Variants in SIGLEC1 observed in about 807,000 individuals in gnomAD.
SIGLEC1 encodes the protein sialic acid binding Ig like lectin 1, also known as sialoadhesin.
SIGLEC1 carries 132 observed loss-of-function variants against 148.0 expected under a neutral mutation model. The ratio of observed to expected loss-of-function variants is 0.89; its 90% CI spans 0.77 to 1.03. The LOEUF is 1.03. Ranked by LOEUF, SIGLEC1 falls within the 50% of genes least tolerant of loss-of-function variation. SIGLEC1 has a pLI of 0.00. For synonymous variants in SIGLEC1, 945 were observed against 969.0 expected (o/e 0.98, Z 0.46); for missense variants, 2,253 against 2,271.4 (o/e 0.99, Z 0.16).
chr20:3,707,103 A>G lies in SIGLEC1; in HGVS notation c.26T>C (p.Leu9Pro). ...ACCTGCTGGGAAGAATGAGGCCAGGAGGAGAAGCTTGGGCAAGAAGCCCAT... is the reference window on the plus strand; with the variant it reads ...ACCTGCTGGGAAGAATGAGGCCAGGGGGAGAAGCTTGGGCAAGAAGCCCAT... MGFLPKLL[L>P]LASFFPAGQA... The change falls in exon 2 of 22, where the codon CTC (leucine) becomes CCC (proline). Residue 9 changes from leucine to proline, a missense_variant. Leu to Pro is a moderately conservative substitution (Grantham distance 98). Coordinates refer to ENST00000344754, the MANE Select transcript of SIGLEC1 (RefSeq NM_023068.4). 1 of 1,614,126 alleles carries G rather than the reference A, an allele frequency of 6.2e-7. No homozygotes were observed.
chr20:3,691,668 A>T, intron 17 of SIGLEC1, 68 bp from the exon 18 acceptor site: 2 of 1,555,516 alleles, frequency 1.3e-6, no homozygotes, highest in South Asian at 2.4e-5. Flanking sequence ...TCTGGGTGGG[A>T]CCTCTGAGGG....
chr20:3,690,482 T>C (rs1482306411), intron 18 of SIGLEC1, among the ~76,000 whole-genome samples: 2 of 152,256 alleles, frequency 1.3e-5, no homozygotes, highest in African/African-American at 4.8e-5. Context: ...TCTGCTCTAC[T>C]TGTTGGAACA....
At chr20:3,689,904 G>T (rs1252313821) in intron 19 of SIGLEC1, 58 bp downstream of exon 19, 1 of 1,448,268 alleles carries the variant, frequency 6.9e-7, no homozygotes, top group South Asian at 1.2e-5. Flanking sequence ...AAGCCTTTGG[G>T]CCTAAGAGCT....
chr20:3,712,466 G>C lies in SIGLEC1; in HGVS notation c.-110+4C>G, dbSNP rs1205231060. On this transcript the variant is annotated splice_donor_region_variant and intron_variant, in intron 1 of 21. Transcript: ENST00000344754. ...CTGGGCCCAGGGACCAGGGACAGGG[G>C]TACCTGCTCCACAGAAGGAAGTGGC... is the stretch of plus-strand genomic sequence containing the variant. Among the ~76,000 whole-genome samples, 2 of 151,980 alleles carry C rather than the reference G, an allele frequency of 1.3e-5. No individual in the cohort carries two copies. Among genetic ancestry groups the C allele is most frequent in the Non-Finnish European group, 2.9e-5 (2 of 67,994 alleles).
intron 1 of SIGLEC1, among the ~76,000 whole-genome samples, chr20:3,707,746 C>T (rs2087906490): frequency 6.6e-6 from 1 of 152,240 alleles, no homozygotes; most frequent in Non-Finnish European, 1.5e-5. Context: ...GTGAAAAGTC[C>T]TCATTTCCTG....
At chr20:3,712,416 C>A (rs1226708867) in intron 1 of SIGLEC1, among the ~76,000 whole-genome samples, 54 bp downstream of exon 1, 3 of 151,984 alleles carry the variant, frequency 2.0e-5, no homozygotes, top group African/African-American at 7.3e-5. Flanking sequence ...CAGCCCAGCC[C>A]CGCTCCTAAT....
intron 6 of SIGLEC1, among the ~76,000 whole-genome samples, chr20:3,702,240 G>C (rs1436766703): frequency 6.6e-6 from 1 of 152,170 alleles, no homozygotes; most frequent in Non-Finnish European, 1.5e-5. Flanking sequence ...GGCTACAAAA[G>C]ACAGTATTAG....
chr20:3,710,833 T>A lies in SIGLEC1; in HGVS notation c.-110+1637A>T, dbSNP rs2087923908. 6.6e-6 allele frequency among the ~76,000 whole-genome samples: 1 copy of A among 152,242 alleles called. No individual in the cohort carries two copies. The highest frequency in any genetic ancestry group is 1.5e-5 in the Non-Finnish European group (1 of 68,042). On this transcript the variant is annotated intron_variant, in intron 1 of 21. Transcript: ENST00000344754. This position sits in a 1 kb window ranked among gnomAD's most constrained non-coding sequence, Gnocchi z 4.6. ...CACATAATGTAGAGGCCACCTATGCTTAGCCCGGCCCTAACCCCAAAGGGG... is the reference window on the plus strand; with the variant it reads ...CACATAATGTAGAGGCCACCTATGCATAGCCCGGCCCTAACCCCAAAGGGG...
At chr20:3,711,448 G>A (rs1420678171) in intron 1 of SIGLEC1, among the ~76,000 whole-genome samples, 1 of 152,178 alleles carries the variant, frequency 6.6e-6, no homozygotes, top group African/African-American at 2.4e-5. Context: ...GGGGAAGAAA[G>A]GGCAGAGGCA....
rs555295529 is a variant in SIGLEC1 at position 3,694,431 on chromosome 20, G to A, written c.3046C>T (p.Arg1016Trp). ...RVDSDPPAQL[R>W]LLHGDRLVAS... ...ACAAGGCGATCCCCGTGGAGCAGCC[G>A]CAGCTGGGCCGGAGGGTCACTGTCC... Residue 1016 changes from arginine to tryptophan, a missense_variant, in exon 13 of 22, where the codon CGG (arginine) becomes TGG (tryptophan). Arg to Trp is a moderately radical substitution (Grantham distance 101). Coordinates refer to ENST00000344754, the MANE Select transcript of SIGLEC1 (RefSeq NM_023068.4). 9 of 1,611,514 alleles carry A rather than the reference G, an allele frequency of 5.6e-6. No homozygotes were observed. The highest frequency in any genetic ancestry group is 2.2e-5 in the East Asian group (1 of 44,806).
chr20:3,696,141 A>AACAC (rs71195853), intron 11 of SIGLEC1, among the ~76,000 whole-genome samples: 10,120 of 145,136 alleles, frequency 0.07, 403 homozygotes, highest in African/African-American at 0.094. Flanking sequence ...CACACACACA[A>AACAC]ACACACACAC....
intron 1 of SIGLEC1, among the ~76,000 whole-genome samples, chr20:3,711,438 G>T (rs2087928200): frequency 6.6e-6 from 1 of 152,134 alleles, no homozygotes; most frequent in Non-Finnish European, 1.5e-5. Context: ...AAGTTTAGCT[G>T]GGGAAGAAAG....
intron 16 of SIGLEC1, 31 bp downstream of exon 16, chr20:3,692,490 G>C (rs1197076851): frequency 6.4e-7 from 1 of 1,556,522 alleles, no homozygotes; most frequent in East Asian, 2.3e-5. Flanking sequence ...CCCTCCTCCT[G>C]GGCAGCCCTG....
At chr20:3,702,272 A>G (rs923032957) in intron 6 of SIGLEC1, among the ~76,000 whole-genome samples, 5 of 152,230 alleles carry the variant, frequency 3.3e-5, no homozygotes, top group Non-Finnish European at 4.4e-5. Flanking sequence ...AAATGTGAAT[A>G]TAGATTATAG....
rs1354279113 is a variant in SIGLEC1 at position 3,694,692 on chromosome 20, A to C, written c.2915T>G (p.Leu972Arg). Residue 972 changes from leucine (L) to arginine (R), a missense_variant, in exon 12 of 22, where the codon CTA becomes CGA. Leu to Arg is a moderately radical substitution (Grantham distance 102). Transcript: ENST00000344754. ...CACGTGGAGGCTGATGGGTGCAGCT[A>C]GGCTCGTGGTGGCTGAGCCTGGGGC... Reference protein sequence around the residue: ...AQAPGSATTSLAAPISLHVSY... With the variant: ...AQAPGSATTSRAAPISLHVSY... The C allele has an allele frequency of 6.2e-7, 1 of 1,613,834 alleles. No homozygotes were observed. Among genetic ancestry groups the C allele is most frequent in the Non-Finnish European group, 8.5e-7 (1 of 1,179,976 alleles).
intron 21 of SIGLEC1, 136 bp downstream of exon 21, chr20:3,689,019 C>T: frequency 2.6e-6 from 2 of 777,216 alleles, no homozygotes; most frequent in Non-Finnish European, 4.5e-6. Flanking sequence ...CTGAGGGGCT[C>T]CTGGTTCCCT....
At chr20:3,700,876 T>G (rs1274349500) in intron 7 of SIGLEC1, among the ~76,000 whole-genome samples, 4 of 151,902 alleles carry the variant, frequency 2.6e-5, no homozygotes, top group African/African-American at 9.7e-5. Flanking sequence ...AATTTTTGTA[T>G]TTTTAGTAGA....
Position 3,693,548 on chromosome 20 carries a change from AG to A in SIGLEC1, c.3406del (p.Leu1136CysfsTer42). On this transcript the variant is annotated frameshift_variant, in exon 14 of 22. Transcript: ENST00000344754. LOFTEE classifies it high-confidence loss of function. Reference protein sequence around the residue: ...QQRLDAHSIPLPNVTVRDATS... With the variant: ...QQRLDAHSIPXPNVTVRDATS... ...GGCATCCCTGACTGTGACGTTGGGC[AG>A]GGGGATGGAGTGGGCATCCAGGCGC... 3 of 1,612,446 alleles carry A rather than the reference AG, an allele frequency of 1.9e-6. No homozygotes were observed. The highest frequency in any genetic ancestry group is 2.5e-6 in the Non-Finnish European group (3 of 1,179,470).
In SIGLEC1 at chr20:3,705,865, G is replaced by A. The variant is rs6052021; in HGVS notation, c.585C>T (p.Gly195=). Reference sequence around the variant, plus strand: ...TGTGGAGGGTCTCCAGGTGGCCGACGCCGGTGGGCTCAAACTTCTGGCTGT... The same window carrying A: ...TGTGGAGGGTCTCCAGGTGGCCGACACCGGTGGGCTCAAACTTCTGGCTGT... The part of the protein sequence containing the change: ...TFNSQKFEPT[G]VGHLETLHMA... Residue 195 remains glycine, a synonymous_variant, in exon 4 of 22, where the codon GGC becomes GGT. Transcript: ENST00000344754. The A allele has an allele frequency of 0.044, 70,611 of 1,614,046 alleles. 5,042 individuals are homozygous for A. Among genetic ancestry groups the A allele is most frequent in the African/African-American group, 0.33 (24,878 of 75,004 alleles).
Sources: gnomAD v4.1 joint callset for allele counts (sites outside exome capture counted in the v4.1 genomes callset) on GRCh38, gnomAD v4.1.1 for gene constraint, Gnocchi (gnomAD v3.1) non-coding constraint, MANE v1.5 for transcripts, NCBI Gene and HGNC (gene_info 2026-07-23, HGNC 2026-07-21) for gene names.